FUT8: variants seen among roughly 807,000 people sequenced by gnomAD.
FUT8 encodes the protein fucosyltransferase 8.
FUT8 carries 29 observed loss-of-function variants against 71.3 expected under a neutral mutation model. The observed-to-expected ratio is 0.41, with a 90% CI of 0.30 to 0.55. The LOEUF is 0.55. Ranked by LOEUF, FUT8 falls within the 20% of genes least tolerant of loss-of-function variation. The pLI, the probability that FUT8 is intolerant of heterozygous loss-of-function variation, is 0.34. For missense variants in FUT8, 544 were observed against 702.1 expected (o/e 0.77, Z 2.55); for synonymous variants, 254 against 239.3 (o/e 1.06, Z -0.57).
In FUT8 at chr14:65,489,344, C is replaced by T. The variant is rs1024654442; in HGVS notation, c.-228+33626C>T. Reference sequence around the variant, plus strand: ...CCTAGCTTTCTCTAATTTTCTGGGACGTATCTCTTTTAGTCTCCGTATATT... The same window carrying T: ...CCTAGCTTTCTCTAATTTTCTGGGATGTATCTCTTTTAGTCTCCGTATATT... On this transcript the variant is annotated intron_variant, in intron 2 of 10. Coordinates refer to ENST00000673929, the MANE Select transcript of FUT8 (RefSeq NM_001371533.1). The surrounding 1 kb of genome is among the most constrained non-coding windows in gnomAD (Gnocchi z 4.0). Among the ~76,000 whole-genome samples, 2 of 152,072 alleles carry T rather than the reference C, an allele frequency of 1.3e-5. No individual in the cohort carries two copies. The highest frequency in any genetic ancestry group is 6.6e-5 in the Admixed American group (1 of 15,262).
At chr14:65,447,950 C>T (rs1264128749) in intron 1 of FUT8, among the ~76,000 whole-genome samples, 1 of 152,160 alleles carries the variant, frequency 6.6e-6, no homozygotes, top group Non-Finnish European at 1.5e-5. Context: ...AGCTCCTGGG[C>T]TCCTCATATC....
chr14:65,482,606 C>G (rs1171032863), intron 2 of FUT8, among the ~76,000 whole-genome samples: 1 of 152,108 alleles, frequency 6.6e-6, no homozygotes, highest in Non-Finnish European at 1.5e-5. Context: ...ATGCCACTAC[C>G]ATGCTGACTA....
In FUT8 at chr14:65,631,819, C is replaced by A. The variant is rs548963504; in HGVS notation, c.597+2213C>A. ...CATCACCTGAGCAGTATACACTGCA[C>A]CCTATTTGTAGTCTTTCATCGCTCG... is the stretch of plus-strand genomic sequence containing the variant. On this transcript the variant is annotated intron_variant, in intron 6 of 10. Coordinates refer to ENST00000673929, the MANE Select transcript of FUT8 (RefSeq NM_001371533.1). 3.5e-4 allele frequency among the ~76,000 whole-genome samples: 53 copies of A among 152,208 alleles called. No individual in the cohort carries two copies. In the South Asian group the frequency reaches 0.011, roughly 30 times the overall value.
rs191888919 is a variant in FUT8 at position 65,717,492 on chromosome 14, G to A, written c.836-4283G>A. 3.4e-3 allele frequency among the ~76,000 whole-genome samples: 426 copies of A among 124,786 alleles called. 3 individuals carry two copies. The highest frequency in any genetic ancestry group is 0.032 in the East Asian group (123 of 3,860). The allele number at this position is 124,786 out of a possible 152,430, so 81.9% of individuals were successfully genotyped here. A position where few individuals can be genotyped will look rare whatever the true frequency, so the allele number is the denominator to read the frequency against. ...TCCTCACTTCCTAGACGGGGCGGCCGGGCAGAGGCGCTCCTCACCTCCCAG... is the reference window on the plus strand; with the variant it reads ...TCCTCACTTCCTAGACGGGGCGGCCAGGCAGAGGCGCTCCTCACCTCCCAG... On this transcript the variant is annotated intron_variant, in intron 7 of 10. Coordinates refer to ENST00000673929, the MANE Select transcript of FUT8 (RefSeq NM_001371533.1).
intron 1 of FUT8, among the ~76,000 whole-genome samples, chr14:65,419,847 T>C (rs2065268036): frequency 1.3e-5 from 2 of 152,206 alleles, no homozygotes; most frequent in South Asian, 2.1e-4. Flanking sequence ...AATGTAGATG[T>C]ACTGATAACC....
chr14:65,695,683 T>A (rs1205686330), intron 7 of FUT8, among the ~76,000 whole-genome samples: 1 of 152,208 alleles, frequency 6.6e-6, no homozygotes, highest in East Asian at 1.9e-4. Flanking sequence ...TTTTTTTAAA[T>A]CCACTTGGAC....
At chr14:65,725,119 A>G (rs1895614249) in intron 9 of FUT8, among the ~76,000 whole-genome samples, 1 of 152,208 alleles carries the variant, frequency 6.6e-6, no homozygotes, top group African/African-American at 2.4e-5. Flanking sequence ...GTCTTATAAT[A>G]ATTTGTGGAA....
intron 2 of FUT8, among the ~76,000 whole-genome samples, chr14:65,470,607 A>G (rs1261707946): frequency 6.6e-6 from 1 of 152,198 alleles, no homozygotes; most frequent in Non-Finnish European, 1.5e-5. Context: ...CAGGCAGAGC[A>G]GATAACTGTC....
chr14:65,621,429 T>A (rs1262767559), intron 5 of FUT8, among the ~76,000 whole-genome samples: 1 of 151,850 alleles, frequency 6.6e-6, no homozygotes. Flanking sequence ...TTTGTATTTT[T>A]AGTAGAGACA....
intron 2 of FUT8, among the ~76,000 whole-genome samples, chr14:65,468,965 T>TA (rs112259202): frequency 1.3e-4 from 20 of 149,920 alleles, no homozygotes; most frequent in Middle Eastern, 6.9e-3. Flanking sequence ...GCCTGGCGAT[T>TA]AAAAAAAAAA....
intron 1 of FUT8, among the ~76,000 whole-genome samples, chr14:65,422,909 C>T (rs2065320777): frequency 6.6e-6 from 1 of 151,868 alleles, no homozygotes; most frequent in Admixed American, 6.6e-5. Context: ...CCTCCTGCCT[C>T]ATCTTCCCAA....
chr14:65,373,108 T>C, the FUT8 span, among the ~76,000 whole-genome samples: 1 of 151,976 alleles, frequency 6.6e-6, no homozygotes, highest in Admixed American at 6.6e-5. Context: ...TTATTCATTG[T>C]TTATCTGAAA....
intron 2 of FUT8, among the ~76,000 whole-genome samples, chr14:65,507,238 G>A (rs7140261): frequency 0.097 from 14,748 of 152,158 alleles, 912 homozygotes; most frequent in East Asian, 0.34. Flanking sequence ...GTAAAGATCA[G>A]GTTGCCTTCA....
rs865956950 is a variant in FUT8, at chr14:65,644,127, G to A, written c.597+14521G>A. ...TGAGTTCCAGCGAAGCAAGAATTAG[G>A]GAGTAGCAAGACGCCTATGAAGGGA... On this transcript the variant is annotated intron_variant, in intron 6 of 10. Transcript: ENST00000673929. Among the ~76,000 whole-genome samples, 11 of 152,240 alleles carry A rather than the reference G, an allele frequency of 7.2e-5. No individual in the cohort carries two copies. The Middle Eastern group carries it at 0.024, about 330-fold the overall frequency.
intron 2 of FUT8, among the ~76,000 whole-genome samples, chr14:65,532,040 A>C (rs1028362744): frequency 6.6e-6 from 1 of 152,026 alleles, no homozygotes; most frequent in African/African-American, 2.4e-5. Context: ...ATTTAGGTTG[A>C]TTTCATGTCT....
intron 7 of FUT8, among the ~76,000 whole-genome samples, chr14:65,678,595 T>G (rs1290728363): frequency 6.6e-6 from 1 of 152,074 alleles, no homozygotes; most frequent in East Asian, 1.9e-4. Context: ...AATAAACCAT[T>G]TTGTCTTGGA....
At chr14:65,374,422 TC>T in the FUT8 span, among the ~76,000 whole-genome samples, 2 of 152,252 alleles carry the variant, frequency 1.3e-5, no homozygotes, top group African/African-American at 4.8e-5. Context: ...CCTCTATACC[TC>T]CACTTCCCCT....
chr14:65,531,670 G>A (rs989297641), intron 2 of FUT8, among the ~76,000 whole-genome samples: 8 of 152,086 alleles, frequency 5.3e-5, no homozygotes, highest in African/African-American at 1.7e-4. Flanking sequence ...TGTTATATAC[G>A]TAAACTTGTG....
At chr14:65,729,830 G>A (rs1418046255) in intron 9 of FUT8, among the ~76,000 whole-genome samples, 2 of 152,252 alleles carry the variant, frequency 1.3e-5, no homozygotes, top group East Asian at 3.9e-4. Context: ...TAACTCCCCT[G>A]CCAGTGGTAG....
Sources: gnomAD v4.1 joint callset for allele counts (sites outside exome capture counted in the v4.1 genomes callset) on GRCh38, gnomAD v4.1.1 for gene constraint, Gnocchi (gnomAD v3.1) non-coding constraint, MANE v1.5 for transcripts, NCBI Gene and HGNC (gene_info 2026-07-23, HGNC 2026-07-21) for gene names.